NPAS3: variants seen among roughly 807,000 people sequenced by gnomAD.
The protein encoded by NPAS3 is neuronal PAS domain-containing protein 3.
In NPAS3, 14 loss-of-function variants were observed where a neutral mutation model predicts 73.1. The ratio of observed to expected loss-of-function variants is 0.19; its 90% confidence interval spans 0.13 to 0.30. The LOEUF is 0.30. Ranked by LOEUF, NPAS3 falls within the 10% of genes least tolerant of loss-of-function variation. The probability of loss-of-function intolerance (pLI) is 1.00; values close to 1 mark genes in which losing one functional copy is unlikely to be tolerated. For missense variants in NPAS3, 1,096 were observed against 1,250.0 expected, an observed-to-expected ratio of 0.88 and a Z score of 1.86; for synonymous variants, 620 against 541.5, an observed-to-expected ratio of 1.14 and a Z score of -2.01.
intron 2 of NPAS3, among the ~76,000 whole-genome samples, chr14:33,079,455 AT>A (rs2138708279): frequency 6.6e-6 from 1 of 151,052 alleles, no homozygotes; most frequent in South Asian, 2.1e-4. Flanking sequence ...AGTAGCTGGG[AT>A]CACAGGTGCA....
intron 5 of NPAS3, among the ~76,000 whole-genome samples, chr14:33,577,283 C>T (rs2056474062): frequency 6.6e-6 from 1 of 152,118 alleles, no homozygotes; most frequent in Non-Finnish European, 1.5e-5. Flanking sequence ...AGGAATTACT[C>T]ATACCTCTTC....
chr14:33,258,210 A>T (rs1353200419), intron 3 of NPAS3, among the ~76,000 whole-genome samples: 1 of 152,166 alleles, frequency 6.6e-6, no homozygotes, highest in African/African-American at 2.4e-5. Context: ...CAGCCTGGGC[A>T]ACACGTTAAA....
At chr14:33,184,061 C>T (rs2045897908) in intron 2 of NPAS3, among the ~76,000 whole-genome samples, 1 of 152,150 alleles carries the variant, frequency 6.6e-6, no homozygotes, top group Non-Finnish European at 1.5e-5. Flanking sequence ...TCCTTCGTAG[C>T]ATGGCAGTAC....
chr14:33,617,249 G>A (rs1181336498), intron 5 of NPAS3, among the ~76,000 whole-genome samples: 1 of 152,138 alleles, frequency 6.6e-6, no homozygotes, highest in African/African-American at 2.4e-5. Context: ...TCTGGAAAAG[G>A]GCCAAACACT....
intron 1 of NPAS3, among the ~76,000 whole-genome samples, chr14:33,043,656 T>C (rs1308463010): frequency 6.6e-6 from 1 of 152,118 alleles, no homozygotes; most frequent in African/African-American, 2.4e-5. Context: ...AGAAAGAACA[T>C]GACAAAGGCT....
At chr14:33,401,195 G>T (rs1277290876) in intron 4 of NPAS3, among the ~76,000 whole-genome samples, 1 of 152,132 alleles carries the variant, frequency 6.6e-6, no homozygotes, top group African/African-American at 2.4e-5. Context: ...ACAGAAAGCT[G>T]ATAAGTCTGA....
chr14:33,084,232 C>T (rs2041950479), intron 2 of NPAS3, among the ~76,000 whole-genome samples: 1 of 152,182 alleles, frequency 6.6e-6, no homozygotes, highest in South Asian at 2.1e-4. Context: ...AGGCTAGTCC[C>T]TAATCACTTT....
intron 3 of NPAS3, among the ~76,000 whole-genome samples, chr14:33,348,943 C>T (rs1216130827): frequency 6.6e-6 from 1 of 152,118 alleles, no homozygotes; most frequent in Non-Finnish European, 1.5e-5. Context: ...CTGTCATTTC[C>T]TACTTGAGTT....
intron 8 of NPAS3, among the ~76,000 whole-genome samples, chr14:33,775,927 T>A (rs929848017): frequency 6.6e-6 from 1 of 152,188 alleles, no homozygotes; most frequent in Non-Finnish European, 1.5e-5. Context: ...TTTAGGACAG[T>A]CCTGTGAGGC....
intron 1 of NPAS3, among the ~76,000 whole-genome samples, chr14:33,028,438 A>G (rs1319160595): frequency 6.6e-6 from 1 of 152,240 alleles, no homozygotes; most frequent in African/African-American, 2.4e-5. Flanking sequence ...AAAAATAACA[A>G]GTGAGTGAAT....
At chr14:33,252,044 C>CGTGT (rs1291923967) in intron 3 of NPAS3, among the ~76,000 whole-genome samples, 1 of 106,942 alleles carries the variant, frequency 9.4e-6, no homozygotes, top group African/African-American at 3.7e-5. Flanking sequence ...TGGGTGTTTG[C>CGTGT]GTGTGTGTGT....
chr14:33,678,731 ATGTTG>A, intron 6 of NPAS3, among the ~76,000 whole-genome samples: 2 of 143,244 alleles, frequency 1.4e-5, no homozygotes, highest in Non-Finnish European at 3.0e-5. Flanking sequence ...CCCCAAATAC[ATGTTG>A]ACAGTGAGAC....
chr14:32,947,196 A>T (rs1025951908), intron 1 of NPAS3, among the ~76,000 whole-genome samples: 1 of 152,158 alleles, frequency 6.6e-6, no homozygotes, highest in South Asian at 2.1e-4. Context: ...GTGTGAATAT[A>T]GCTATAATTA....
intron 1 of NPAS3, among the ~76,000 whole-genome samples, chr14:32,975,796 A>G (rs1413205505): frequency 2.0e-5 from 3 of 152,082 alleles, no homozygotes; most frequent in Non-Finnish European, 4.4e-5. Context: ...CATGTTTTAC[A>G]GCATTTCTAC....
chr14:33,057,803 C>T (rs2040943379), intron 2 of NPAS3, among the ~76,000 whole-genome samples: 1 of 151,942 alleles, frequency 6.6e-6, no homozygotes, highest in African/African-American at 2.4e-5. Context: ...GGAGGAAATC[C>T]CCAAGATGTT....
chr14:33,205,217 A>G (rs572510617), intron 2 of NPAS3, among the ~76,000 whole-genome samples: 1 of 152,284 alleles, frequency 6.6e-6, no homozygotes, highest in African/African-American at 2.4e-5. Context: ...TGATCTCAAC[A>G]CATGCTGCTT....
chr14:33,780,814 T>C (rs1180885775), intron 9 of NPAS3: 1 of 275,234 alleles, frequency 3.6e-6, no homozygotes, highest in Non-Finnish European at 7.2e-6. Flanking sequence ...TATTGTGCTA[T>C]TCTCCTAATT....
At chr14:33,513,378 A>G (rs567661099) in intron 4 of NPAS3, among the ~76,000 whole-genome samples, 2 of 152,178 alleles carry the variant, frequency 1.3e-5, no homozygotes, top group African/African-American at 4.8e-5. Flanking sequence ...CACCACCACA[A>G]TAATAAAAGT....
intron 5 of NPAS3, chr14:33,583,157 T>C (rs1391401143): frequency 6.6e-6 from 1 of 152,070 alleles, no homozygotes; most frequent in African/African-American, 2.4e-5. Context: ...TGGGGGGTTC[T>C]AGGTTCTAAC....
Sources: gnomAD v4.1 joint callset for allele counts (sites outside exome capture counted in the v4.1 genomes callset) on GRCh38, gnomAD v4.1.1 for gene constraint, MANE v1.5 for transcripts, NCBI Gene and HGNC (gene_info 2026-07-23, HGNC 2026-07-21) for gene names.